LDLRAD2: variants seen among roughly 807,000 people sequenced by gnomAD.
The protein encoded by LDLRAD2 is low-density lipoprotein receptor class A domain-containing protein 2.
A neutral mutation model predicts 24.9 loss-of-function variants in LDLRAD2; 25 were observed. The ratio of observed to expected loss-of-function variants is 1.00; its 90% CI spans 0.73 to 1.40. The LOEUF (loss-of-function observed/expected upper bound fraction) is 1.40. Among genes scored for constraint, LDLRAD2 ranks in the 40% most tolerant of loss-of-function variants. The pLI, the probability that LDLRAD2 is intolerant of heterozygous loss-of-function variation, is 0.00. For missense variants in LDLRAD2, 391 were observed against 366.2 expected (o/e 1.07, Z -0.55); for synonymous variants, 182 against 166.7 (o/e 1.09, Z -0.71).
Position 21,823,799 on chromosome 1 carries a change from A to AT in LDLRAD2, c.*1585dup, listed in dbSNP as rs1475769482. 1.9e-5 allele frequency: 20 copies of AT among 1,061,764 alleles called. No homozygotes were observed. In the Admixed American group the frequency reaches 3.5e-4, roughly 19 times the overall value. 65.8% of individuals were successfully genotyped at this position (1,061,764 alleles called of 1,614,324 possible). On this transcript the variant is annotated 3_prime_UTR_variant, in exon 5 of 5. Transcript: ENST00000344642. ...CCCACGACAGAGTCCCCTCCCTCTG[A>AT]TATCGAGACTCCAGACTCAGAAGTC...
Position 21,814,810 on chromosome 1 carries a change from C to T in LDLRAD2, c.498C>T (p.Thr166=). ...QPRVDFVGEV[T]SFRLGPCGAY... is the part of the protein sequence containing the mutation. The stretch of plus-strand genomic sequence containing the variant: ...GCGTGGACTTCGTGGGCGAAGTCAC[C>T]TCTTTCCGTCTGGGTGAGCTGGGGC... Residue 166 remains threonine, a synonymous_variant, in exon 2 of 5, where the codon ACC becomes ACT. Coordinates refer to ENST00000344642, the MANE Select transcript of LDLRAD2 (RefSeq NM_001013693.3). 6.8e-7 allele frequency: 1 copy of T among 1,474,896 alleles called. No individual in the cohort carries two copies. Among genetic ancestry groups the T allele is most frequent in the African/African-American group, 1.4e-5 (1 of 70,156 alleles). The allele number at this position is 1,474,896 out of a possible 1,614,324, so 91.4% of individuals were successfully genotyped here.
intron 3 of LDLRAD2, among the ~76,000 whole-genome samples, chr1:21,820,538 AAAAG>A (rs2097949823): frequency 1.4e-5 from 2 of 143,470 alleles, no homozygotes; most frequent in Admixed American, 6.9e-5. Flanking sequence ...AAAAAAAAAA[AAAAG>A]AAAAGAAAAG....
chr1:21,814,902 A>G, intron 2 of LDLRAD2, 79 bp downstream of exon 2: 1 of 1,294,002 alleles, frequency 7.7e-7, no homozygotes, highest in South Asian at 2.0e-5. Context: ...GGCCCCGGTG[A>G]GGGCCGCTGC....
chr1:21,816,824 GAC>G (rs1338903413), intron 3 of LDLRAD2, among the ~76,000 whole-genome samples: 1 of 152,090 alleles, frequency 6.6e-6, no homozygotes, highest in Non-Finnish European at 1.5e-5. Context: ...TGTGCCATGA[GAC>G]CCAGGTCCTA....
At chr1:21,814,867 C>G in intron 2 of LDLRAD2, 44 bp downstream of exon 2, 1 of 1,428,104 alleles carries the variant, frequency 7.0e-7, no homozygotes, top group Non-Finnish European at 9.1e-7. Flanking sequence ...CTGCAGAGGC[C>G]ATGCGGGACT....
Position 21,823,903 on chromosome 1 carries a change from C to A in LDLRAD2, c.*1688C>A. 1.4e-6 allele frequency: 1 copy of A among 724,082 alleles called. No homozygotes were observed. The highest frequency in any genetic ancestry group is 2.4e-6 in the Non-Finnish European group (1 of 419,490). 44.9% of individuals were successfully genotyped at this position (724,082 alleles called of 1,614,324 possible). On this transcript the variant is annotated 3_prime_UTR_variant, in exon 5 of 5. Transcript: ENST00000344642. ...CACAAACACAGCTTCCTCATTTCTGCACCCAGGTTTCCTCCCACTCCTGGG... is the reference window on the plus strand; with the variant it reads ...CACAAACACAGCTTCCTCATTTCTGAACCCAGGTTTCCTCCCACTCCTGGG...
rs543277819 is a variant in LDLRAD2 at position 21,823,218 on chromosome 1, C to T, written c.*1003C>T. ...GTAGCAGCAAAGCGTGGCATCGCCT[C>T]GGTTTCTTACAAAAATTCATAATAA... On this transcript the variant is annotated 3_prime_UTR_variant, in exon 5 of 5. Transcript: ENST00000344642. 119 of 1,193,000 alleles carry T rather than the reference C, an allele frequency of 1.0e-4. 1 individual carries two copies. Among genetic ancestry groups the T allele is most frequent in the South Asian group, 9.4e-4 (47 of 49,864 alleles). 73.9% of individuals were successfully genotyped at this position (1,193,000 alleles called of 1,614,324 possible).
In LDLRAD2 at chr1:21,823,779, G is replaced by T; in HGVS notation, c.*1564G>T. ...ACTTCCTGGTCCTCCCCGGCCCCAC[G>T]ACAGAGTCCCCTCCCTCTGATATCG... is the stretch of plus-strand genomic sequence containing the variant. On this transcript the variant is annotated 3_prime_UTR_variant, in exon 5 of 5. Transcript: ENST00000344642. 1 of 1,304,134 alleles carries T rather than the reference G, an allele frequency of 7.7e-7. No homozygotes were observed. The highest frequency in any genetic ancestry group is 1.1e-6 in the Non-Finnish European group (1 of 904,318). The allele number at this position is 1,304,134 out of a possible 1,614,324, so 80.8% of individuals were successfully genotyped here. A position where few individuals can be genotyped will look rare whatever the true frequency, so the allele number is the denominator to read the frequency against.
chr1:21,821,108 G>C (rs763102384), intron 3 of LDLRAD2, among the ~76,000 whole-genome samples: 6 of 151,334 alleles, frequency 4.0e-5, no homozygotes, highest in Non-Finnish European at 8.8e-5. Flanking sequence ...GAGGTAGGAG[G>C]ATCACTTGAG....
At position 21,814,593 on chromosome 1, in the gene LDLRAD2, C is replaced by G. The variant is rs767376555; in HGVS notation, c.281C>G (p.Pro94Arg). ...GTCTACAGCCTGACCCCCGCGCCCCCGGCGCTCAACACCTCCTCCCCGGCC... is the reference window on the plus strand; with the variant it reads ...GTCTACAGCCTGACCCCCGCGCCCCGGGCGCTCAACACCTCCTCCCCGGCC... ...FLVYSLTPAP[P>R]ALNTSSPAPA... is the part of the protein sequence containing the mutation. Residue 94 changes from proline (P) to arginine (R), a missense_variant, in exon 2 of 5, where the codon CCG becomes CGG. Physicochemically the swap from Pro to Arg is moderately radical, Grantham distance 103. Coordinates refer to ENST00000344642, the MANE Select transcript of LDLRAD2 (RefSeq NM_001013693.3). 7 of 1,611,686 alleles carry G rather than the reference C, an allele frequency of 4.3e-6. No homozygotes were observed. Among genetic ancestry groups the G allele is most frequent in the Non-Finnish European group, 5.1e-6 (6 of 1,179,272 alleles).
Position 21,823,246 on chromosome 1 carries a change from T to TTAA in LDLRAD2, c.*1040_*1042dup, listed in dbSNP as rs1384787202. On this transcript the variant is annotated 3_prime_UTR_variant, in exon 5 of 5. Transcript: ENST00000344642. ...TTTCTTACAAAAATTCATAATAATATTAATAATAATATACTCGACATTGTC... is the reference window on the plus strand; with the variant it reads ...TTTCTTACAAAAATTCATAATAATATTAATAATAATAATATACTCGACATTGTC... 1.5e-6 allele frequency: 2 copies of TTAA among 1,293,418 alleles called. No homozygotes were observed. The highest frequency in any genetic ancestry group is 3.0e-5 in the African/African-American group (2 of 66,758). 80.1% of individuals were successfully genotyped at this position (1,293,418 alleles called of 1,614,324 possible).
Position 21,815,945 on chromosome 1 carries a change from C to A in LDLRAD2, c.514C>A (p.Pro172Thr), listed in dbSNP as rs749458800. 10 of 1,613,926 alleles carry A rather than the reference C, an allele frequency of 6.2e-6. No homozygotes were observed. The Admixed American group carries it at 8.3e-5, about 13-fold the overall frequency. Residue 172 changes from proline to threonine, a missense_variant and splice_region_variant, in exon 3 of 5, where the codon CCT becomes ACT. Transcript: ENST00000344642. The part of the protein sequence containing the change: ...VGEVTSFRLG[P>T]CGAYFRCQNG... The stretch of plus-strand genomic sequence containing the variant: ...CAGGCTTCTGCTTCTGGCCTCAGGA[C>A]CTTGTGGTGCCTACTTCCGCTGCCA...
chr1:21,819,515 C>T (rs1393551147), intron 3 of LDLRAD2, among the ~76,000 whole-genome samples: 1 of 149,536 alleles, frequency 6.7e-6, no homozygotes, highest in Admixed American at 6.7e-5. Context: ...TATAAATTAC[C>T]TTTCTTTATA....
chr1:21,819,306 T>A (rs149167556), intron 3 of LDLRAD2, among the ~76,000 whole-genome samples: 4,793 of 151,718 alleles, frequency 0.032, 106 homozygotes, highest in South Asian at 0.079. Context: ...CCGGGAGGCA[T>A]AGGTTGCGGT....
Position 21,815,705 on chromosome 1 carries a change from A to G in LDLRAD2, c.512-238A>G, listed in dbSNP as rs145139244. Among the ~76,000 whole-genome samples the G allele has an allele frequency of 3.3e-3, 496 of 152,310 alleles. 2 individuals carry two copies. Among genetic ancestry groups the G allele is most frequent in the African/African-American group, 0.011 (468 of 41,592 alleles). ...CCCATAGGGGTATTGTGAGGCCTCA[A>G]TGGGCCAGGATGTGTAGTATTTACG... On this transcript the variant is annotated intron_variant, in intron 2 of 4. Coordinates refer to ENST00000344642, the MANE Select transcript of LDLRAD2 (RefSeq NM_001013693.3).
At chr1:21,818,984 T>C (rs2097947291) in intron 3 of LDLRAD2, among the ~76,000 whole-genome samples, 1 of 149,038 alleles carries the variant, frequency 6.7e-6, no homozygotes, top group Non-Finnish European at 1.5e-5. Context: ...CTGTGTCCTC[T>C]ACCAGAAGAC....
At chr1:21,816,124 T>C in intron 3 of LDLRAD2, 50 bp downstream of exon 3, 1 of 1,596,702 alleles carries the variant, frequency 6.3e-7, no homozygotes, top group African/African-American at 1.3e-5. Flanking sequence ...GAGGGAAGCC[T>C]GGCCCTAACT....
Position 21,814,707 on chromosome 1 carries a change from G to A in LDLRAD2, c.395G>A (p.Gly132Asp), listed in dbSNP as rs1314390858. The change falls in exon 2 of 5, where the codon GGC becomes GAC. Residue 132 changes from glycine to aspartate, a missense_variant. By Grantham distance (94) the Gly-to-Asp change is moderately conservative. Transcript: ENST00000344642. ...CGGCCCCTGGGGTCCCCACTGTGCG[G>A]CCTGAACATCCCGGTGCCTGTGGCA... ...APRPLGSPLCGLNIPVPVASS... is the reference protein window; with the variant it reads ...APRPLGSPLCDLNIPVPVASS... 52 of 1,564,602 alleles carry A rather than the reference G, an allele frequency of 3.3e-5. No individual in the cohort carries two copies. Among genetic ancestry groups the A allele is most frequent in the Non-Finnish European group, 4.2e-5 (49 of 1,156,054 alleles).
chr1:21,818,021 T>C (rs1034743356), intron 3 of LDLRAD2, among the ~76,000 whole-genome samples: 2 of 151,836 alleles, frequency 1.3e-5, no homozygotes, highest in African/African-American at 4.8e-5. Context: ...GGATTACAGG[T>C]GCACACCACC....
Sources: gnomAD v4.1 joint callset for allele counts (sites outside exome capture counted in the v4.1 genomes callset) on GRCh38, gnomAD v4.1.1 for gene constraint, MANE v1.5 for transcripts, NCBI Gene and HGNC (gene_info 2026-07-23, HGNC 2026-07-21) for gene names.